Variants in BCL2 observed in about 807,000 individuals in gnomAD.
BCL2 encodes the protein BCL2 apoptosis regulator, also known as apoptosis regulator Bcl-2.
A neutral mutation model predicts 14.2 loss-of-function variants in BCL2; 1 was observed. The ratio of observed to expected loss-of-function variants is 0.07; its 90% CI spans 0.02 to 0.33. BCL2 has a LOEUF of 0.33. Ranked by LOEUF, BCL2 falls within the 10% of genes least tolerant of loss-of-function variation. BCL2 has a pLI of 0.99. For missense variants in BCL2, 247 were observed against 305.9 expected, an observed-to-expected ratio of 0.81 and a Z score of 1.44; for synonymous variants, 151 against 137.2, an observed-to-expected ratio of 1.10 and a Z score of -0.70.
At chr18:63,178,449 C>G (rs1436648614) in intron 2 of BCL2, among the ~76,000 whole-genome samples, 2 of 152,132 alleles carry the variant, frequency 1.3e-5, no homozygotes, top group African/African-American at 4.8e-5. Context: ...GTTCTCAGAG[C>G]AAAGAATGTC....
intron 2 of BCL2, among the ~76,000 whole-genome samples, chr18:63,183,757 G>A (rs1486202420): frequency 6.6e-6 from 1 of 152,210 alleles, no homozygotes; most frequent in Non-Finnish European, 1.5e-5. Context: ...ATTGTATATG[G>A]ACATCTGTAA....
At chr18:63,233,705 C>G (rs1003714738) in intron 2 of BCL2, among the ~76,000 whole-genome samples, 2 of 152,118 alleles carry the variant, frequency 1.3e-5, no homozygotes, top group African/African-American at 2.4e-5. Flanking sequence ...GGCCACGGAC[C>G]TGTACCGGTC....
At position 63,190,047 on chromosome 18, in the gene BCL2, G is replaced by A. The variant is rs116374328; in HGVS notation, c.586-61288C>T. 9.1e-3 allele frequency among the ~76,000 whole-genome samples: 1,378 copies of A among 152,104 alleles called. 20 individuals are homozygous for A. The highest frequency in any genetic ancestry group is 0.031 in the African/African-American group (1,276 of 41,486). On this transcript the variant is annotated intron_variant, in intron 2 of 2. Transcript: ENST00000333681. Reference sequence around the variant, plus strand: ...GGTTTACTGCACTTAAGATAAACTGGGATTTACCATATTACTCAGCCCTGA... The same window carrying A: ...GGTTTACTGCACTTAAGATAAACTGAGATTTACCATATTACTCAGCCCTGA...
At chr18:63,231,004 T>G (rs931200198) in intron 2 of BCL2, among the ~76,000 whole-genome samples, 4 of 152,064 alleles carry the variant, frequency 2.6e-5, no homozygotes, top group African/African-American at 9.7e-5. Flanking sequence ...CAAAATATCA[T>G]GTTTATCACA....
In BCL2 at chr18:63,319,455, A is replaced by G. The variant is rs953493967; in HGVS notation, c.-568T>C. 2 of 228,264 alleles carry G rather than the reference A, an allele frequency of 8.8e-6. No homozygotes were observed. Among genetic ancestry groups the G allele is most frequent in the African/African-American group, 4.5e-5 (2 of 44,888 alleles). 14.1% of individuals were successfully genotyped at this position (228,264 alleles called of 1,614,324 possible). Reference sequence around the variant, plus strand: ...AAAAAGGCAGCGGCGGCGGCAGATGAATTACAATTTTCAGTCCGGTATTCG... The same window carrying G: ...AAAAAGGCAGCGGCGGCGGCAGATGGATTACAATTTTCAGTCCGGTATTCG... On this transcript the variant is annotated 5_prime_UTR_variant, in exon 1 of 3. Transcript: ENST00000333681.
intron 2 of BCL2, among the ~76,000 whole-genome samples, chr18:63,292,518 G>C (rs1912680760): frequency 6.6e-6 from 1 of 152,134 alleles, no homozygotes; most frequent in Non-Finnish European, 1.5e-5. Flanking sequence ...ATGCTAGCTG[G>C]GATCTGCACT....
At chr18:63,196,077 G>A (rs2144656659) in intron 2 of BCL2, among the ~76,000 whole-genome samples, 1 of 152,314 alleles carries the variant, frequency 6.6e-6, no homozygotes, top group South Asian at 2.1e-4. Context: ...ATTTTACCTT[G>A]TGGCTATTTG....
chr18:63,213,619 T>C (rs1347273985), intron 2 of BCL2, among the ~76,000 whole-genome samples: 1 of 151,426 alleles, frequency 6.6e-6, no homozygotes, highest in Non-Finnish European at 1.5e-5. Flanking sequence ...TCCACAAATG[T>C]GAGTAAGTTC....
chr18:63,187,617 A>G (rs569409448), intron 2 of BCL2, among the ~76,000 whole-genome samples: 1 of 152,348 alleles, frequency 6.6e-6, no homozygotes, highest in Non-Finnish European at 1.5e-5. Flanking sequence ...GATAAAGACC[A>G]TGCCCCAGTA....
chr18:63,293,631 T>C (rs935369910), intron 2 of BCL2, among the ~76,000 whole-genome samples: 3 of 152,180 alleles, frequency 2.0e-5, no homozygotes, highest in African/African-American at 4.8e-5. Flanking sequence ...GGACCTTGGA[T>C]ATCTGGAATA....
intron 2 of BCL2, among the ~76,000 whole-genome samples, chr18:63,175,555 A>G (rs1915332780): frequency 1.3e-5 from 2 of 152,338 alleles, no homozygotes; most frequent in South Asian, 4.1e-4. Context: ...AACCTGTTTT[A>G]CCAATGGATT....
At chr18:63,203,953 C>T (rs1403218535) in intron 2 of BCL2, among the ~76,000 whole-genome samples, 1 of 152,146 alleles carries the variant, frequency 6.6e-6, no homozygotes, top group Non-Finnish European at 1.5e-5. Flanking sequence ...AGTTTATATG[C>T]ATTTCCTATC....
intron 2 of BCL2, among the ~76,000 whole-genome samples, chr18:63,196,857 A>C (rs1334611616): frequency 6.6e-6 from 1 of 152,210 alleles, no homozygotes; most frequent in Non-Finnish European, 1.5e-5. Context: ...AGTTTTTCTC[A>C]GCTTGGATTT....
At chr18:63,299,803 T>TTTTTTC (rs1362813090) in intron 2 of BCL2, among the ~76,000 whole-genome samples, 6 of 130,398 alleles carry the variant, frequency 4.6e-5, no homozygotes, top group African/African-American at 1.5e-4. Context: ...CTTGCTTTTT[T>TTTTTTC]TTTTTCTTTT....
chr18:63,134,332 AC>A (rs1406521265), intron 2 of BCL2, among the ~76,000 whole-genome samples: 1 of 152,252 alleles, frequency 6.6e-6, no homozygotes, highest in Non-Finnish European at 1.5e-5. Flanking sequence ...AATTTGACAG[AC>A]AAAAATGCTG....
intron 2 of BCL2, among the ~76,000 whole-genome samples, chr18:63,130,381 G>T (rs1914032445): frequency 6.6e-6 from 1 of 152,186 alleles, no homozygotes; most frequent in Non-Finnish European, 1.5e-5. Flanking sequence ...TTTCTCTGGG[G>T]CAAGGGCTGT....
At chr18:63,270,899 C>T (rs1297810463) in intron 2 of BCL2, among the ~76,000 whole-genome samples, 2 of 151,964 alleles carry the variant, frequency 1.3e-5, no homozygotes, top group African/African-American at 4.8e-5. Flanking sequence ...CTCATTTTGA[C>T]CTCCGCCTCT....
chr18:63,194,278 T>C (rs1909378519), intron 2 of BCL2, among the ~76,000 whole-genome samples: 1 of 152,180 alleles, frequency 6.6e-6, no homozygotes, highest in South Asian at 2.1e-4. Flanking sequence ...GTCAGTCAAA[T>C]ATCTTAGCAG....
intron 2 of BCL2, among the ~76,000 whole-genome samples, chr18:63,136,504 C>T (rs1241946487): frequency 2.0e-5 from 3 of 152,166 alleles, no homozygotes; most frequent in Non-Finnish European, 2.9e-5. Context: ...TAGAAACAGA[C>T]CCTAAGACAA....
Sources: gnomAD v4.1 joint callset for allele counts (sites outside exome capture counted in the v4.1 genomes callset) on GRCh38, gnomAD v4.1.1 for gene constraint, MANE v1.5 for transcripts, NCBI Gene and HGNC (gene_info 2026-07-23, HGNC 2026-07-21) for gene names.